Variants in SLC38A6 observed in about 807,000 individuals in gnomAD.
The protein encoded by SLC38A6 is N system amino acid transporter NAT-1.
SLC38A6 carries 73 observed loss-of-function variants against 65.0 expected under a neutral mutation model. That is an observed-to-expected ratio of 1.12 (90% CI 0.93 to 1.37). The LOEUF (loss-of-function observed/expected upper bound fraction) is 1.37. Ranked by LOEUF, SLC38A6 falls within the 40% of genes most tolerant of loss-of-function variation. SLC38A6 has a pLI of 0.00. For missense variants in SLC38A6, 561 were observed against 531.1 expected (o/e 1.06, Z -0.55); for synonymous variants, 183 against 178.8 (o/e 1.02, Z -0.19).
intron 3 of SLC38A6, among the ~76,000 whole-genome samples, chr14:61,012,974 A>G (rs995255397): frequency 1.5e-4 from 23 of 152,102 alleles, no homozygotes; most frequent in Middle Eastern, 3.4e-3. Context: ...GTCTAATGTT[A>G]ACAGTGGGGT....
intron 6 of SLC38A6, among the ~76,000 whole-genome samples, chr14:61,036,349 A>G (rs765889236): frequency 6.6e-6 from 1 of 152,048 alleles, no homozygotes; most frequent in Non-Finnish European, 1.5e-5. Context: ...AGGAACAGAA[A>G]ACCAAACACC....
chr14:61,019,102 T>C (rs950309236), intron 4 of SLC38A6, among the ~76,000 whole-genome samples: 3 of 152,208 alleles, frequency 2.0e-5, no homozygotes, highest in African/African-American at 7.2e-5. Flanking sequence ...TCTGGGATGC[T>C]GATATAGTCA....
At chr14:61,018,089 GTAGA>G (rs898144508) in intron 4 of SLC38A6, among the ~76,000 whole-genome samples, 16 of 152,224 alleles carry the variant, frequency 1.1e-4, no homozygotes, top group African/African-American at 3.6e-4. Context: ...AGGCAGGTGG[GTAGA>G]TAGATAGATA....
intron 15 of SLC38A6, among the ~76,000 whole-genome samples, chr14:61,069,965 G>C (rs533612094): frequency 6.6e-6 from 1 of 152,048 alleles, no homozygotes; most frequent in Non-Finnish European, 1.5e-5. Flanking sequence ...ATATACACCC[G>C]CAAATGTTGG....
intron 8 of SLC38A6, among the ~76,000 whole-genome samples, chr14:61,040,702 G>C (rs1233499081): frequency 6.6e-6 from 1 of 152,008 alleles, no homozygotes; most frequent in Non-Finnish European, 1.5e-5. Flanking sequence ...GGCTAGCCTT[G>C]AACTCCTATG....
Position 61,069,953 on chromosome 14 carries a change from G to A in SLC38A6, c.1291-8857G>A, listed in dbSNP as rs192492699. 3.2e-4 allele frequency among the ~76,000 whole-genome samples: 49 copies of A among 152,092 alleles called. 1 individual carries two copies. The highest frequency in any genetic ancestry group is 1.8e-3 in the Admixed American group (27 of 15,280). On this transcript the variant is annotated intron_variant, in intron 15 of 16. Coordinates refer to the SLC38A6 transcript ENST00000354886. ...ATACACAAACACAAGGAGAATACAC[G>A]GATATACACCCGCAAATGTTGGCAT...
At position 60,988,047 on chromosome 14, in the gene SLC38A6, C is replaced by T. The variant is rs77571321; in HGVS notation, c.310+3244C>T. On this transcript the variant is annotated intron_variant, in intron 3 of 15. Transcript: ENST00000267488. ...TAACTCCTGAAACCCTTCCACTGTG[C>T]TCTCTGGAACTCACAGTCAATCATC... is the stretch of plus-strand genomic sequence containing the variant. 8.5e-3 allele frequency among the ~76,000 whole-genome samples: 1,293 copies of T among 152,312 alleles called. 22 individuals carry two copies. The highest frequency in any genetic ancestry group is 0.029 in the African/African-American group (1,220 of 41,554).
In SLC38A6 at chr14:60,982,530, C is replaced by G. The variant is rs1566599591; in HGVS notation, c.128C>G (p.Pro43Arg). 1.2e-6 allele frequency: 2 copies of G among 1,612,584 alleles called. No individual in the cohort carries two copies. The highest frequency in any genetic ancestry group is 1.7e-6 in the Non-Finnish European group (2 of 1,179,662). ...LSNELHRQRS[P>R]GVSFGLSVFN... ...CAGGAACTTCACAGACAGCGATCCC[C>G]AGGTGTTTCATTTGGTTTATCAGTG... The change falls in exon 2 of 16, where the codon CCA (proline) becomes CGA (arginine). Residue 43 changes from proline to arginine, a missense_variant. Physicochemically the swap from Pro to Arg is moderately radical, Grantham distance 103. Coordinates refer to ENST00000267488, the MANE Select transcript of SLC38A6 (RefSeq NM_153811.3).
intron 15 of SLC38A6, among the ~76,000 whole-genome samples, chr14:61,071,540 G>C (rs2043225626): frequency 6.6e-6 from 1 of 152,044 alleles, no homozygotes; most frequent in African/African-American, 2.4e-5. Context: ...AAATTAGCCA[G>C]GTGTGGTGGC....
chr14:61,051,663 G>A (rs1337781592), intron 13 of SLC38A6, 124 bp from the exon 14 acceptor site: 2 of 962,466 alleles, frequency 2.1e-6, no homozygotes, highest in South Asian at 1.5e-5. Context: ...AGTTTATGCT[G>A]TATTTTTGAA....
intron 10 of SLC38A6, among the ~76,000 whole-genome samples, chr14:61,045,142 A>G (rs1194622898): frequency 1.3e-5 from 2 of 152,220 alleles, no homozygotes; most frequent in Non-Finnish European, 1.5e-5. Context: ...TAGTACAGGC[A>G]AGCCCACTAT....
At chr14:61,021,873 A>G (rs1459581610) in intron 5 of SLC38A6, among the ~76,000 whole-genome samples, 1 of 152,052 alleles carries the variant, frequency 6.6e-6, no homozygotes, top group East Asian at 1.9e-4. Flanking sequence ...TCTTTATTAT[A>G]ATAGAATTGG....
At chr14:61,076,213 G>A (rs1349459677) in intron 15 of SLC38A6, among the ~76,000 whole-genome samples, 1 of 152,110 alleles carries the variant, frequency 6.6e-6, no homozygotes, top group Non-Finnish European at 1.5e-5. Context: ...GGGGCCCCTA[G>A]GGAAGAGCAC....
At chr14:61,005,163 G>A (rs996644538) in intron 3 of SLC38A6, among the ~76,000 whole-genome samples, 1 of 152,096 alleles carries the variant, frequency 6.6e-6, no homozygotes, top group South Asian at 2.1e-4. Context: ...AATAAATTAG[G>A]TATTGATGGG....
chr14:61,050,733 T>C, intron 13 of SLC38A6, 97 bp downstream of exon 13: 1 of 1,089,054 alleles, frequency 9.2e-7, no homozygotes, highest in Non-Finnish European at 1.2e-6. Flanking sequence ...TCACATCTAG[T>C]CTTGTATATC....
chr14:60,997,028 G>C (rs2038346348), intron 3 of SLC38A6, among the ~76,000 whole-genome samples: 1 of 152,104 alleles, frequency 6.6e-6, no homozygotes, highest in Non-Finnish European at 1.5e-5. Context: ...AAAGAAACAA[G>C]GAATCAGGCA....
intron 15 of SLC38A6, among the ~76,000 whole-genome samples, chr14:61,063,911 C>T (rs1402547890): frequency 6.6e-6 from 1 of 152,288 alleles, no homozygotes; most frequent in East Asian, 1.9e-4. Flanking sequence ...TAGGTGCAGA[C>T]CAAAACAGAC....
chr14:61,023,630 A>G (rs1326976946), intron 5 of SLC38A6, among the ~76,000 whole-genome samples: 5 of 150,480 alleles, frequency 3.3e-5, no homozygotes, highest in Non-Finnish European at 5.9e-5. Context: ...TATATGTAAA[A>G]TATCTATTAT....
chr14:61,012,581 G>A (rs926950456), intron 3 of SLC38A6, among the ~76,000 whole-genome samples: 21 of 152,126 alleles, frequency 1.4e-4, no homozygotes, highest in African/African-American at 4.3e-4. Context: ...CTGGTATGTT[G>A]TGTCTTTGTT....
Sources: gnomAD v4.1 joint callset for allele counts (sites outside exome capture counted in the v4.1 genomes callset) on GRCh38, gnomAD v4.1.1 for gene constraint, MANE v1.5 for transcripts, NCBI Gene and HGNC (gene_info 2026-07-23, HGNC 2026-07-21) for gene names.